Variants in NTNG2 observed in about 807,000 individuals in gnomAD.
NTNG2 encodes netrin G2, also known as netrin-G2.
NTNG2 carries 15 observed loss-of-function variants against 47.6 expected under a neutral mutation model. The observed-to-expected ratio is 0.32, with a 90% confidence interval of 0.21 to 0.49. The LOEUF (loss-of-function observed/expected upper bound fraction) is 0.49. Among genes scored for constraint, NTNG2 ranks in the 20% least tolerant of loss-of-function variants. The pLI, the probability that NTNG2 is intolerant of heterozygous loss-of-function variation, is 0.99. For missense variants in NTNG2, 578 were observed against 764.6 expected, an observed-to-expected ratio of 0.76 and a Z score of 2.88; for synonymous variants, 307 against 324.6, an observed-to-expected ratio of 0.95 and a Z score of 0.58.
At chr9:132,211,288 C>T (rs1376060948) in intron 3 of NTNG2, among the ~76,000 whole-genome samples, 2 of 152,180 alleles carry the variant, frequency 1.3e-5, no homozygotes, top group South Asian at 2.1e-4. Context: ...CAAGGTGGAC[C>T]CCCTATCAGC....
intron 1 of NTNG2, among the ~76,000 whole-genome samples, chr9:132,165,331 A>G (rs1835437032): frequency 6.6e-6 from 1 of 152,046 alleles, no homozygotes; most frequent in South Asian, 2.1e-4. Context: ...TTGATTTTAA[A>G]TAATTAACAG....
Position 132,198,185 on chromosome 9 carries a change from C to G in NTNG2, c.433C>G (p.Arg145Gly), listed in dbSNP as rs1236944201. Residue 145 changes from arginine to glycine, a missense_variant, in exon 3 of 8, where the codon CGG (arginine) becomes GGG (glycine). Transcript: ENST00000393229. ...DDVVMTFEYGRPTVMVLEKSL... is the reference protein window; with the variant it reads ...DDVVMTFEYGGPTVMVLEKSL... ...CGTGGTGATGACCTTCGAGTACGGC[C>G]GGCCCACGGTCATGGTCCTGGAGAA... The G allele has an allele frequency of 6.2e-7, 1 of 1,613,548 alleles. No individual in the cohort carries two copies. The highest frequency in any genetic ancestry group is 8.5e-7 in the Non-Finnish European group (1 of 1,180,040).
At chr9:132,228,407 A>G (rs1248469896) in intron 4 of NTNG2, among the ~76,000 whole-genome samples, 1 of 151,960 alleles carries the variant, frequency 6.6e-6, no homozygotes, top group Non-Finnish European at 1.5e-5. Flanking sequence ...TCCTGTCCCC[A>G]TCTCTTTGTG....
At chr9:132,239,295 A>G (rs748588136) in intron 6 of NTNG2, 24 bp downstream of exon 6, 2 of 1,612,596 alleles carry the variant, frequency 1.2e-6, no homozygotes, top group South Asian at 1.1e-5. Flanking sequence ...GACACGGCAC[A>G]GGGAACTTGC....
At position 132,231,179 on chromosome 9, in the gene NTNG2, G is replaced by A. The variant is rs1418104230; in HGVS notation, c.1054+584G>A. 5.0e-6 allele frequency: 2 copies of A among 398,258 alleles called. No homozygotes were observed. Among genetic ancestry groups the A allele is most frequent in the East Asian group, 7.6e-5 (1 of 13,224 alleles). The allele number at this position is 398,258 out of a possible 1,614,324, so 24.7% of individuals were successfully genotyped here. On this transcript the variant is annotated intron_variant, in intron 5 of 7. Transcript: ENST00000393229. This position sits in a 1 kb window ranked among gnomAD's most constrained non-coding sequence, Gnocchi z 4.1. ...GGAGGGGCATCTGCAGGAGGTGGGGGTCCTGAGAGTTCCCCAGGAGGGCGA... is the reference window on the plus strand; with the variant it reads ...GGAGGGGCATCTGCAGGAGGTGGGGATCCTGAGAGTTCCCCAGGAGGGCGA...
chr9:132,175,942 A>C (rs1478459395), intron 2 of NTNG2, among the ~76,000 whole-genome samples: 2 of 152,256 alleles, frequency 1.3e-5, no homozygotes, highest in Non-Finnish European at 2.9e-5. Context: ...CAGTGCAGAC[A>C]GAGGGGTCCT....
chr9:132,184,561 A>T (rs955255127), intron 2 of NTNG2, among the ~76,000 whole-genome samples: 1 of 152,236 alleles, frequency 6.6e-6, no homozygotes, highest in Non-Finnish European at 1.5e-5. Context: ...TAGACAGAAG[A>T]TGGCTCAACC....
At position 132,226,232 on chromosome 9, in the gene NTNG2, T is replaced by C. The variant is rs538755401; in HGVS notation, c.858-617T>C. 6.6e-6 allele frequency among the ~76,000 whole-genome samples: 1 copy of C among 152,352 alleles called. No homozygotes were observed. The highest frequency in any genetic ancestry group is 1.9e-4 in the East Asian group (1 of 5,196). ...ATAAATGCTTGATTCTTTCCCTTTA[T>C]TTACCAGTTTTCAGAATAATGAGTC... On this transcript the variant is annotated intron_variant, in intron 3 of 7. Transcript: ENST00000393229. The surrounding 1 kb of genome is among the most constrained non-coding windows in gnomAD (Gnocchi z 4.8).
chr9:132,223,676 C>T (rs12345945), intron 3 of NTNG2, among the ~76,000 whole-genome samples: 167 of 152,258 alleles, frequency 1.1e-3, no homozygotes, highest in African/African-American at 3.9e-3. Context: ...TCTCAAAACA[C>T]AAAAAGATGC....
chr9:132,199,810 A>C (rs566166295), intron 3 of NTNG2, among the ~76,000 whole-genome samples: 11 of 152,306 alleles, frequency 7.2e-5, no homozygotes, highest in African/African-American at 2.6e-4. Context: ...GGTGTGGACA[A>C]CCCAGGCCTG....
chr9:132,214,533 C>T (rs1839834229), intron 3 of NTNG2, among the ~76,000 whole-genome samples: 1 of 152,226 alleles, frequency 6.6e-6, no homozygotes, highest in Admixed American at 6.5e-5. Context: ...TCTCCAGGGG[C>T]TTACTAGGGA....
intron 7 of NTNG2, chr9:132,241,467 G>A: frequency 3.0e-6 from 1 of 330,932 alleles, no homozygotes; most frequent in Non-Finnish European, 5.6e-6. Flanking sequence ...TGCCTGGTGG[G>A]AACTACGAGA....
At chr9:132,228,673 T>A (rs1840976269) in intron 4 of NTNG2, among the ~76,000 whole-genome samples, 1 of 152,004 alleles carries the variant, frequency 6.6e-6, no homozygotes, top group South Asian at 2.1e-4. Context: ...TCCTCCCACT[T>A]CAGCCTCCCA....
At chr9:132,193,358 A>C (rs537465730) in intron 2 of NTNG2, among the ~76,000 whole-genome samples, 1 of 152,284 alleles carries the variant, frequency 6.6e-6, no homozygotes, top group East Asian at 1.9e-4. Context: ...TAAGCACATT[A>C]ACAACTCTAT....
chr9:132,216,816 C>G (rs1840028447), intron 3 of NTNG2, among the ~76,000 whole-genome samples: 1 of 152,144 alleles, frequency 6.6e-6, no homozygotes, highest in Non-Finnish European at 1.5e-5. Flanking sequence ...CCGCCCAGGT[C>G]CAGATCCAGG....
intron 3 of NTNG2, among the ~76,000 whole-genome samples, chr9:132,217,496 C>T (rs1840068809): frequency 6.6e-6 from 1 of 152,202 alleles, no homozygotes; most frequent in Non-Finnish European, 1.5e-5. Context: ...GGGCAAGTTG[C>T]TTAACTTCTC....
chr9:132,237,187 A>C (rs1413910962), intron 5 of NTNG2, among the ~76,000 whole-genome samples: 1 of 152,086 alleles, frequency 6.6e-6, no homozygotes, highest in Non-Finnish European at 1.5e-5. Context: ...GCTGATTTGC[A>C]AGCTTGGGAT....
chr9:132,223,997 G>A (rs1468535812), intron 3 of NTNG2, among the ~76,000 whole-genome samples: 1 of 152,112 alleles, frequency 6.6e-6, no homozygotes, highest in African/African-American at 2.4e-5. Context: ...CTTTCTAGAA[G>A]GTTCTCCCCT....
chr9:132,233,448 G>C (rs911288615), intron 5 of NTNG2: 1 of 152,446 alleles, frequency 6.6e-6, no homozygotes, highest in African/African-American at 2.4e-5. Flanking sequence ...GGAAAAGTCA[G>C]AGGCCAGAGT....
Sources: gnomAD v4.1 joint callset for allele counts (sites outside exome capture counted in the v4.1 genomes callset) on GRCh38, gnomAD v4.1.1 for gene constraint, Gnocchi (gnomAD v3.1) non-coding constraint, MANE v1.5 for transcripts, NCBI Gene and HGNC (gene_info 2026-07-23, HGNC 2026-07-21) for gene names.